Variants in PAK3 observed in about 807,000 individuals in gnomAD.
PAK3 encodes the protein p21 (RAC1) activated kinase 3.
A neutral mutation model predicts 41.0 loss-of-function variants in PAK3; 4 were observed. That is an observed-to-expected ratio of 0.10 (90% CI 0.05 to 0.22). PAK3 has a LOEUF of 0.22. Among genes scored for constraint, PAK3 ranks in the 10% least tolerant of loss-of-function variants. PAK3 has a pLI of 1.00. For synonymous variants in PAK3, 146 were observed against 139.6 expected, an observed-to-expected ratio of 1.05 and a Z score of -0.32; for missense variants, 205 against 409.9, an observed-to-expected ratio of 0.50 and a Z score of 4.32.
At chrX:111,039,895 G>A (rs936829771) in intron 1 of PAK3, among the ~76,000 whole-genome samples, 1 of 108,357 alleles carries the variant, frequency 9.2e-6, no homozygotes, top group Admixed American at 9.9e-5. Context: ...CTTGGCTGAG[G>A]CAAGTCTGCC....
At chrX:111,185,670 T>C (rs1179300534) in intron 11 of PAK3, among the ~76,000 whole-genome samples, 1 of 111,223 alleles carries the variant, frequency 9.0e-6, no homozygotes, top group Non-Finnish European at 1.9e-5. Flanking sequence ...TCCCCATTGC[T>C]GTTGTAGATG....
At chrX:111,013,071 T>C (rs769108493) in intron 1 of PAK3, among the ~76,000 whole-genome samples, 8 of 112,812 alleles carry the variant, frequency 7.1e-5, no homozygotes, top group African/African-American at 2.6e-4. Flanking sequence ...TGCCTGGCCC[T>C]GTTAAGATGT....
At chrX:111,142,343 A>G in intron 6 of PAK3, 147 bp downstream of exon 6, 1 of 522,545 alleles carries the variant, frequency 1.9e-6, no homozygotes, top group East Asian at 3.4e-5. Flanking sequence ...AGGCAATCAT[A>G]GATGGAAATA....
At chrX:111,129,405 A>G (rs1289966629) in intron 5 of PAK3, among the ~76,000 whole-genome samples, 1 of 111,482 alleles carries the variant, frequency 9.0e-6, no homozygotes, top group African/African-American at 3.3e-5. Context: ...CAGCTTAGCA[A>G]AGAGTGTTCT....
At position 111,192,140 on chromosome X, in the gene PAK3, G is replaced by T; in HGVS notation, c.844G>T (p.Val282Phe). The T allele has an allele frequency of 8.9e-7, 1 of 1,121,910 alleles. No individual in the cohort carries two copies. Among genetic ancestry groups the T allele is most frequent in the Non-Finnish European group, 1.2e-6 (1 of 814,772 alleles). The allele number at this position is 1,121,910 out of a possible 1,213,427, so 92.5% of individuals were successfully genotyped here. A position where few individuals can be genotyped will look rare whatever the true frequency, so the allele number is the denominator to read the frequency against. Residue 282 changes from valine to phenylalanine, a missense_variant, in exon 12 of 18, where the codon GTT (valine) becomes TTT (phenylalanine). Physicochemically the swap from Val to Phe is conservative, Grantham distance 50 (BLOSUM62 -1). Around this residue, in one of 5 missense-constraint regions of PAK3, gnomAD observed 42 missense variants for 152.7 expected, o/e 0.28. Transcript: ENST00000372007. ...TCACCTTCACAGGGCATCAGGTACT[G>T]TTTATACAGCACTAGACATTGCAAC... ...EKIGQGASGT[V>F]YTALDIATGQ...
At chrX:111,078,230 T>A (rs2092803548) in intron 1 of PAK3, among the ~76,000 whole-genome samples, 1 of 110,638 alleles carries the variant, frequency 9.0e-6, no homozygotes, top group South Asian at 3.8e-4. Context: ...TTTGTTTAAT[T>A]GTGCTTTGCA....
At chrX:110,992,884 G>C (rs2091675013) in intron 1 of PAK3, among the ~76,000 whole-genome samples, 1 of 111,894 alleles carries the variant, frequency 8.9e-6, no homozygotes, top group Non-Finnish European at 1.9e-5. Context: ...CTTGAGATTT[G>C]AAGGCAGGTG....
In PAK3 at chrX:111,022,402, C is replaced by T. The variant is rs1278692623; in HGVS notation, c.-28+77774C>T. On this transcript the variant is annotated intron_variant, in intron 1 of 14. Transcript: ENST00000425146. The stretch of plus-strand genomic sequence containing the variant: ...CCTCCTTCAACAAAACAATTATCAG[C>T]CAAGAATTTTGTATCCAGAGCAACT... Among the ~76,000 whole-genome samples, 10 of 111,627 alleles carry T rather than the reference C, an allele frequency of 9.0e-5. No individual in the cohort carries two copies. The Admixed American group carries it at 9.5e-4, about 11-fold the overall frequency.
chrX:111,005,967 A>ATTC lies in PAK3; in HGVS notation c.-28+61341_-28+61342insCTT, dbSNP rs1286669805. On this transcript the variant is annotated intron_variant, in intron 1 of 14. Coordinates refer to the PAK3 transcript ENST00000425146. ...AAAGGAGACATGGAGGTCTAGACAA[A>ATTC]TTATACCCAGGGTTTACCCTGCTGA... is the stretch of plus-strand genomic sequence containing the variant. Among the ~76,000 whole-genome samples the ATTC allele has an allele frequency of 2.7e-5, 3 of 111,624 alleles. No individual in the cohort carries two copies. The East Asian group carries it at 8.5e-4, about 31-fold the overall frequency.
At chrX:111,155,425 C>G (rs2094092215) in intron 8 of PAK3, among the ~76,000 whole-genome samples, 1 of 107,876 alleles carries the variant, frequency 9.3e-6, no homozygotes, top group Admixed American at 1.0e-4. Context: ...CACTTGAGCC[C>G]TGGAGGTGGA....
intron 1 of PAK3, among the ~76,000 whole-genome samples, chrX:110,997,203 G>T (rs1244231010): frequency 9.0e-6 from 1 of 110,875 alleles, no homozygotes; most frequent in Non-Finnish European, 1.9e-5. Context: ...AATGGGGTTG[G>T]GGGGGCAGGT....
chrX:110,974,584 G>A (rs963598344), intron 1 of PAK3, among the ~76,000 whole-genome samples: 6 of 111,901 alleles, frequency 5.4e-5, no homozygotes, highest in African/African-American at 2.0e-4. Context: ...AATAGAAAAA[G>A]AGAGAATCCT....
rs748275048 is a variant in PAK3, at chrX:111,107,555, T to C, written c.-28+4249T>C. Among the ~76,000 whole-genome samples the C allele has an allele frequency of 3.6e-5, 4 of 111,766 alleles. No homozygotes were observed. The South Asian group carries it at 1.5e-3, about 42-fold the overall frequency. On this transcript the variant is annotated intron_variant, in intron 4 of 17. Coordinates refer to ENST00000372007, the MANE Select transcript of PAK3 (RefSeq NM_002578.5). ...TGCAAGAGTCATGTGCCAACAGAGATTTGAAAACACAAGAGCATCTTGCAA... is the reference window on the plus strand; with the variant it reads ...TGCAAGAGTCATGTGCCAACAGAGACTTGAAAACACAAGAGCATCTTGCAA...
At chrX:111,088,293 T>C (rs1394944347) in intron 1 of PAK3, among the ~76,000 whole-genome samples, 2 of 111,757 alleles carry the variant, frequency 1.8e-5, no homozygotes, top group Admixed American at 1.9e-4. Flanking sequence ...GAAACTGAGG[T>C]TCAGAGGGAC....
At chrX:110,952,222 A>C (rs1489631277) in intron 1 of PAK3, among the ~76,000 whole-genome samples, 1 of 111,840 alleles carries the variant, frequency 8.9e-6, no homozygotes, top group African/African-American at 3.3e-5. Context: ...TTTAGGCCAA[A>C]GGTAGGGTCT....
chrX:111,101,722 G>A (rs2093144257), intron 3 of PAK3, among the ~76,000 whole-genome samples: 1 of 111,720 alleles, frequency 9.0e-6, no homozygotes, highest in African/African-American at 3.3e-5. Flanking sequence ...CTCTTGCAGG[G>A]TGAGCTCACG....
chrX:111,170,636 A>G (rs1005325451), intron 10 of PAK3, among the ~76,000 whole-genome samples: 1 of 111,665 alleles, frequency 9.0e-6, no homozygotes, highest in African/African-American at 3.2e-5. Flanking sequence ...ATGAAAGGAC[A>G]AAGTTCCTGC....
chrX:111,015,921 A>T (rs913842044), intron 1 of PAK3, among the ~76,000 whole-genome samples: 1 of 111,553 alleles, frequency 9.0e-6, no homozygotes, highest in African/African-American at 3.3e-5. Flanking sequence ...TTGCTCTTTC[A>T]CTCTTGATTG....
intron 1 of PAK3, among the ~76,000 whole-genome samples, chrX:111,087,251 A>T (rs2092893865): frequency 1.8e-5 from 2 of 109,681 alleles, no homozygotes; most frequent in African/African-American, 3.3e-5. Flanking sequence ...TATTCTGCTG[A>T]CCTTTAAAAT....
Sources: allele counts gnomAD v4.1 joint callset (sites outside exome capture counted in the v4.1 genomes callset), GRCh38; gene constraint gnomAD v4.1.1; regional missense constraint gnomAD v4.1.1; transcripts MANE v1.5; gene names NCBI Gene and HGNC (gene_info 2026-07-23, HGNC 2026-07-21).